Variants in GEMIN5 observed in about 807,000 individuals in gnomAD.
GEMIN5 encodes the protein gem-associated protein 5.
GEMIN5 carries 124 observed loss-of-function variants against 176.9 expected under a neutral mutation model. The ratio of observed to expected loss-of-function variants is 0.70; its 90% CI spans 0.61 to 0.81. GEMIN5 has a LOEUF of 0.81. Among genes scored for constraint, GEMIN5 ranks in the 40% least tolerant of loss-of-function variants. The pLI is 0.00. For missense variants in GEMIN5, 1,843 were observed against 1,814.6 expected (o/e 1.02, Z -0.28); for synonymous variants, 673 against 665.2 (o/e 1.01, Z -0.18).
intron 15 of GEMIN5, among the ~76,000 whole-genome samples, chr5:154,908,171 C>CTTTT (rs1561716794): frequency 2.3e-5 from 2 of 88,706 alleles, no homozygotes; most frequent in African/African-American, 4.5e-5. Flanking sequence ...ACCCAGATGT[C>CTTTT]CTTTTTTTTT....
chr5:154,925,862 C>T lies in GEMIN5; in HGVS notation c.1293G>A (p.Ala431=), dbSNP rs551871866. 37 of 1,575,522 alleles carry T rather than the reference C, an allele frequency of 2.3e-5. No homozygotes were observed. The East Asian group carries it at 2.7e-4, about 11-fold the overall frequency. ...FWQGVKSKVT[A]LCWHPTKEGC... ...ACAAGCTCAAAAAAAGAATCCTTAC[C>T]GCTGTAACCTTGGACTTCACGCCTT... The change falls in exon 8 of 28, where the codon GCG becomes GCA. Residue 431 remains alanine (A), a splice_region_variant and synonymous_variant. Coordinates refer to ENST00000285873, the MANE Select transcript of GEMIN5 (RefSeq NM_015465.5).
At chr5:154,924,267 A>C (rs994330876) in intron 9 of GEMIN5, among the ~76,000 whole-genome samples, 2 of 152,220 alleles carry the variant, frequency 1.3e-5, no homozygotes, top group African/African-American at 4.8e-5. Context: ...AACATAGGGA[A>C]CAGGGAAATG....
rs762191086 is a variant in GEMIN5, at chr5:154,907,645, CT to C, written c.2340del (p.Glu781LysfsTer47). On this transcript the variant is annotated frameshift_variant, in exon 16 of 28. Transcript: ENST00000285873. LOFTEE classifies it high-confidence loss of function. ...GGCTCCCGTGCTTGCTCCTCCCCTTCTTGGTCTGACACACCATTCTCAACAG... is the reference window on the plus strand; with the variant it reads ...GGCTCCCGTGCTTGCTCCTCCCCTTCTGGTCTGACACACCATTCTCAACAG... ...SGPVENGVSD[Q>X]EGEEQAREPE... is the part of the protein sequence containing the mutation. The C allele has an allele frequency of 7.4e-6, 12 of 1,614,142 alleles. No individual in the cohort carries two copies. The highest frequency in any genetic ancestry group is 8.5e-6 in the Non-Finnish European group (10 of 1,180,018).
chr5:154,906,255 C>T (rs549882569), intron 16 of GEMIN5, among the ~76,000 whole-genome samples: 29 of 152,268 alleles, frequency 1.9e-4, no homozygotes, highest in Admixed American at 1.2e-3. Context: ...CTTGGCCTCC[C>T]ATAGTGCTGG....
intron 15 of GEMIN5, among the ~76,000 whole-genome samples, chr5:154,908,414 C>A (rs981400540): frequency 6.6e-6 from 1 of 152,050 alleles, no homozygotes; most frequent in Non-Finnish European, 1.5e-5. Context: ...CTCCTGACCT[C>A]AGGTGATCTG....
At chr5:154,895,056 G>A (rs1582650304) in intron 24 of GEMIN5, among the ~76,000 whole-genome samples, 3 of 152,008 alleles carry the variant, frequency 2.0e-5, no homozygotes, top group African/African-American at 7.3e-5. Flanking sequence ...TCCAGCCTGA[G>A]CAACAAGAGT....
At chr5:154,937,843 T>C in intron 1 of GEMIN5, 125 bp downstream of exon 1, 1 of 810,686 alleles carries the variant, frequency 1.2e-6, no homozygotes, top group Non-Finnish European at 1.8e-6. Flanking sequence ...GACTGTGGGC[T>C]GCCTCTCCTC....
At chr5:154,919,543 A>T (rs1763879031) in intron 11 of GEMIN5, among the ~76,000 whole-genome samples, 2 of 152,188 alleles carry the variant, frequency 1.3e-5, no homozygotes, top group African/African-American at 4.8e-5. Flanking sequence ...CAAAATGACA[A>T]TTTTGTCTTG....
At chr5:154,934,543 C>G (rs932597918) in intron 3 of GEMIN5, among the ~76,000 whole-genome samples, 2 of 152,152 alleles carry the variant, frequency 1.3e-5, no homozygotes, top group African/African-American at 4.8e-5. Flanking sequence ...AACTCCTGAC[C>G]TCAGGTGATC....
chr5:154,894,540 G>A (rs1396211381), intron 24 of GEMIN5, among the ~76,000 whole-genome samples: 1 of 152,108 alleles, frequency 6.6e-6, no homozygotes, highest in South Asian at 2.1e-4. Flanking sequence ...GGAGGCCGAG[G>A]CAGGTGGATC....
chr5:154,910,631 C>T (rs1763681242), intron 15 of GEMIN5, among the ~76,000 whole-genome samples: 1 of 152,180 alleles, frequency 6.6e-6, no homozygotes. Flanking sequence ...GTCTAGCTTT[C>T]TAGTTGCTTA....
In GEMIN5 at chr5:154,893,750, CTTT is replaced by C. The variant is rs376598981; in HGVS notation, c.3598-1204_3598-1202del. 2.3e-3 allele frequency among the ~76,000 whole-genome samples: 343 copies of C among 152,126 alleles called. 2 individuals are homozygous for C. The highest frequency in any genetic ancestry group is 7.9e-3 in the African/African-American group (328 of 41,516). Reference sequence around the variant, plus strand: ...ATTCACCGATATTCTTCTTCTTCTTCTTTGTTTTTTTGAGATGGAGTCTTGCTC... The same window carrying C: ...ATTCACCGATATTCTTCTTCTTCTTCGTTTTTTTGAGATGGAGTCTTGCTC... On this transcript the variant is annotated intron_variant, in intron 24 of 27. Transcript: ENST00000285873.
chr5:154,888,026 A>C lies in GEMIN5; in HGVS notation c.*184T>G. On this transcript the variant is annotated 3_prime_UTR_variant, in exon 28 of 28. Coordinates refer to ENST00000285873, the MANE Select transcript of GEMIN5 (RefSeq NM_015465.5). ...CCAGTAGGAGACCACAATTGAGTCT[A>C]AAGTCAGATCCACCGTTGTCTATGG... 1 of 594,270 alleles carries C rather than the reference A, an allele frequency of 1.7e-6. No individual in the cohort carries two copies. The highest frequency in any genetic ancestry group is 3.0e-6 in the Non-Finnish European group (1 of 338,908). 36.8% of individuals were successfully genotyped at this position (594,270 alleles called of 1,614,324 possible). A position where few individuals can be genotyped will look rare whatever the true frequency, so the allele number is the denominator to read the frequency against.
intron 10 of GEMIN5, among the ~76,000 whole-genome samples, chr5:154,920,947 T>C (rs1763908878): frequency 6.6e-6 from 1 of 152,180 alleles, no homozygotes; most frequent in Non-Finnish European, 1.5e-5. Context: ...AGTTTGCTTT[T>C]CCTGTGGGTG....
chr5:154,925,761 A>T (rs1764015796), intron 8 of GEMIN5, 101 bp downstream of exon 8: 4 of 669,584 alleles, frequency 6.0e-6, no homozygotes, highest in Admixed American at 2.7e-5. Flanking sequence ...AATACTTTAA[A>T]ACTTTTGATT....
chr5:154,903,667 C>T lies in GEMIN5; in HGVS notation c.2633-492G>A, dbSNP rs141969729. Among the ~76,000 whole-genome samples the T allele has an allele frequency of 2.7e-3, 418 of 152,048 alleles. 3 individuals are homozygous for T. The highest frequency in any genetic ancestry group is 9.8e-3 in the African/African-American group (408 of 41,482). On this transcript the variant is annotated intron_variant, in intron 18 of 27. Transcript: ENST00000285873. ...GTTTGATTATGCAATACAGACAAAA[C>T]AGTTCAAAAATTCAAAAGAAAGAAA...
Position 154,896,104 on chromosome 5 carries a change from T to C in GEMIN5, c.3585A>G (p.Thr1195=), listed in dbSNP as rs1261389105. 1 of 1,613,222 alleles carries C rather than the reference T, an allele frequency of 6.2e-7. No individual in the cohort carries two copies. The highest frequency in any genetic ancestry group is 1.7e-5 in the Admixed American group (1 of 59,834). ...ACAGATGGCTTACCTGTTTGGCAGG[T>C]GTGTTATTTGTAGCAGATGGGTACT... ...NIKYPSATNN[T]PAKQLLLHIC... The change falls in exon 24 of 28, where the codon ACA becomes ACG. Residue 1195 remains threonine (T), a synonymous_variant. Transcript: ENST00000285873.
chr5:154,898,831 G>A (rs1246078727), intron 22 of GEMIN5, among the ~76,000 whole-genome samples, 181 bp from the exon 23 acceptor site: 1 of 152,122 alleles, frequency 6.6e-6, no homozygotes, highest in Non-Finnish European at 1.5e-5. Context: ...CAGAGTGTAT[G>A]AGAAACAATA....
Position 154,931,483 on chromosome 5 carries a change from T to G in GEMIN5, c.756A>C (p.Arg252=). The G allele has an allele frequency of 6.2e-7, 1 of 1,612,788 alleles. No individual in the cohort carries two copies. Among genetic ancestry groups the G allele is most frequent in the South Asian group, 1.1e-5 (1 of 91,008 alleles). The change falls in exon 5 of 28, where the codon CGA becomes CGC. Residue 252 remains arginine (R), a synonymous_variant. Transcript: ENST00000285873. ...LATGSKDQTI[R]IWSCSRGRGV... Reference sequence around the variant, plus strand: ...CTCGGCCTCTAGAACAGCTCCAGATTCGAATGGTTTGATCTTTGCTTCCAG... The same window carrying G: ...CTCGGCCTCTAGAACAGCTCCAGATGCGAATGGTTTGATCTTTGCTTCCAG...
Sources: allele counts gnomAD v4.1 joint callset (sites outside exome capture counted in the v4.1 genomes callset), GRCh38; gene constraint gnomAD v4.1.1; transcripts MANE v1.5; gene names NCBI Gene and HGNC (gene_info 2026-07-23, HGNC 2026-07-21).